EFCAB6: variants seen among roughly 807,000 people sequenced by gnomAD.
EFCAB6 encodes the protein EF-hand calcium binding domain 6, also known as EF-hand calcium-binding domain-containing protein 6.
A neutral mutation model predicts 169.8 loss-of-function variants in EFCAB6; 156 were observed. The ratio of observed to expected loss-of-function variants is 0.92; its 90% CI spans 0.81 to 1.05. The LOEUF (loss-of-function observed/expected upper bound fraction) is 1.05, where lower values mean the gene tolerates loss of function less well. Among genes scored for constraint, EFCAB6 ranks in the 50% least tolerant of loss-of-function variants. The pLI, the probability that EFCAB6 is intolerant of heterozygous loss-of-function variation, is 0.00. For missense variants in EFCAB6, 1,800 were observed against 1,829.1 expected (o/e 0.98, Z 0.29); for synonymous variants, 698 against 676.4 (o/e 1.03, Z -0.50).
chr22:43,762,234 G>T (rs984958345), intron 5 of EFCAB6, among the ~76,000 whole-genome samples: 1 of 152,204 alleles, frequency 6.6e-6, no homozygotes, highest in Non-Finnish European at 1.5e-5. Flanking sequence ...CTTTTGTGAT[G>T]AAGGTTTATA....
In EFCAB6 at chr22:43,598,322, A is replaced by ACAAAAC. The variant is rs779097018; in HGVS notation, c.2876+1746_2876+1747insGTTTTG. On this transcript the variant is annotated intron_variant, in intron 23 of 31. Transcript: ENST00000262726. Reference sequence around the variant, plus strand: ...GACACTGTCTCCGGGAAAAAAAAAAAAAAAAAAAAAAAAAAAGGTTGATCT... The same window carrying ACAAAAC: ...GACACTGTCTCCGGGAAAAAAAAAAACAAAACAAAAAAAAAAAAAAAAGGTTGATCT... Among the ~76,000 whole-genome samples, 116 of 130,324 alleles carry ACAAAAC rather than the reference A, an allele frequency of 8.9e-4. 4 individuals carry two copies. Among genetic ancestry groups the ACAAAAC allele is most frequent in the South Asian group, 3.4e-3 (13 of 3,880 alleles). 85.5% of individuals were successfully genotyped at this position (130,324 alleles called of 152,430 possible).
At chr22:43,548,118 C>T (rs975673735) in intron 27 of EFCAB6, among the ~76,000 whole-genome samples, 25 of 151,854 alleles carry the variant, frequency 1.6e-4, no homozygotes, top group Admixed American at 3.3e-4. Flanking sequence ...ATAAATAAAA[C>T]GATATAAAAG....
At chr22:43,754,248 C>T (rs560727289) in intron 6 of EFCAB6, among the ~76,000 whole-genome samples, 12 of 152,326 alleles carry the variant, frequency 7.9e-5, no homozygotes, top group South Asian at 2.1e-4. Context: ...CACAGCAGCA[C>T]GTCAAGGTGG....
chr22:43,563,371 C>T (rs1017950750), intron 26 of EFCAB6, among the ~76,000 whole-genome samples: 5 of 152,080 alleles, frequency 3.3e-5, no homozygotes, highest in South Asian at 2.1e-4. Context: ...AGCTTGAGAC[C>T]AGCCTGGGCA....
At chr22:43,545,152 A>G (rs1251193033) in intron 27 of EFCAB6, among the ~76,000 whole-genome samples, 4 of 152,002 alleles carry the variant, frequency 2.6e-5, no homozygotes, top group South Asian at 2.1e-4. Flanking sequence ...ATCTCAAAAG[A>G]AAAAAAAGCT....
intron 8 of EFCAB6, among the ~76,000 whole-genome samples, chr22:43,717,827 G>T (rs970998512): frequency 6.6e-6 from 1 of 151,824 alleles, no homozygotes; most frequent in Admixed American, 6.5e-5. Context: ...TTTATGAGAG[G>T]AAAAAAATGA....
rs550346832 is a variant in EFCAB6, at chr22:43,593,347, G to A, written c.2877-3118C>T. ...TCTTTTAGCTGCATGCCCATGCTCC[G>A]TGTGGAACAGAGGCACAGGCAGAGA... On this transcript the variant is annotated intron_variant, in intron 23 of 31. Transcript: ENST00000262726. Among the ~76,000 whole-genome samples the A allele has an allele frequency of 3.5e-4, 54 of 152,220 alleles. 1 individual carries two copies. Among genetic ancestry groups the A allele is most frequent in the Non-Finnish European group, 7.5e-4 (51 of 68,024 alleles).
chr22:43,743,539 T>C (rs2060446877), intron 6 of EFCAB6, among the ~76,000 whole-genome samples: 1 of 152,176 alleles, frequency 6.6e-6, no homozygotes. Context: ...GATATAGGTG[T>C]GTGGTGTGTG....
At chr22:43,659,142 C>T (rs2056887622) in intron 17 of EFCAB6, among the ~76,000 whole-genome samples, 1 of 152,234 alleles carries the variant, frequency 6.6e-6, no homozygotes, top group Non-Finnish European at 1.5e-5. Flanking sequence ...TTCTTATGCG[C>T]TCTCTCTGGG....
At chr22:43,788,762 T>A (rs1042306565) in intron 2 of EFCAB6, among the ~76,000 whole-genome samples, 3 of 151,874 alleles carry the variant, frequency 2.0e-5, no homozygotes, top group Non-Finnish European at 2.9e-5. Context: ...CATACATCCA[T>A]CAAAAAAAAG....
At chr22:43,666,896 T>G (rs1354930624) in intron 17 of EFCAB6, among the ~76,000 whole-genome samples, 1 of 151,960 alleles carries the variant, frequency 6.6e-6, no homozygotes, top group Non-Finnish European at 1.5e-5. Flanking sequence ...TATCAAAAGC[T>G]GGCCACATCC....
intron 17 of EFCAB6, among the ~76,000 whole-genome samples, chr22:43,657,778 T>C (rs2056819217): frequency 6.6e-6 from 1 of 152,108 alleles, no homozygotes; most frequent in Non-Finnish European, 1.5e-5. Context: ...GTAAAATGCA[T>C]ATACAACAGA....
chr22:43,763,013 T>A (rs2061215252), intron 5 of EFCAB6, among the ~76,000 whole-genome samples: 1 of 152,170 alleles, frequency 6.6e-6, no homozygotes, highest in Non-Finnish European at 1.5e-5. Flanking sequence ...GGGATGATAC[T>A]GTGTCACTCT....
intron 4 of EFCAB6, among the ~76,000 whole-genome samples, chr22:43,772,410 C>T (rs1243424606): frequency 6.6e-6 from 1 of 152,168 alleles, no homozygotes; most frequent in East Asian, 1.9e-4. Flanking sequence ...GAGGCCAAGG[C>T]AGGCAGATCA....
intron 5 of EFCAB6, among the ~76,000 whole-genome samples, chr22:43,756,424 T>C (rs1273328130): frequency 6.6e-6 from 1 of 152,178 alleles, no homozygotes; most frequent in Admixed American, 6.5e-5. Context: ...ATACCGTCCC[T>C]GGGTTCCATC....
chr22:43,585,793 G>A (rs187409515), intron 24 of EFCAB6, among the ~76,000 whole-genome samples: 2 of 152,224 alleles, frequency 1.3e-5, no homozygotes, highest in Admixed American at 1.3e-4. Flanking sequence ...ATCTATAGAG[G>A]AACAAAGATA....
chr22:43,651,539 C>T (rs913349389), intron 17 of EFCAB6, among the ~76,000 whole-genome samples: 1 of 152,244 alleles, frequency 6.6e-6, no homozygotes, highest in Admixed American at 6.5e-5. Context: ...AGGGCCCCCA[C>T]ACAGAGTCCC....
intron 27 of EFCAB6, chr22:43,552,543 A>C (rs745885935): frequency 1.3e-5 from 2 of 151,958 alleles, no homozygotes; most frequent in African/African-American, 4.8e-5. Context: ...TTTAATTTGC[A>C]TTTCTCTAAT....
At chr22:43,539,562 G>A (rs2047573832) in intron 28 of EFCAB6, among the ~76,000 whole-genome samples, 1 of 152,108 alleles carries the variant, frequency 6.6e-6, no homozygotes, top group Non-Finnish European at 1.5e-5. Flanking sequence ...ATCCCTTTCT[G>A]CAGACAAAAA....
Sources: gnomAD v4.1 joint callset for allele counts (sites outside exome capture counted in the v4.1 genomes callset) on GRCh38, gnomAD v4.1.1 for gene constraint, MANE v1.5 for transcripts, NCBI Gene and HGNC (gene_info 2026-07-23, HGNC 2026-07-21) for gene names.